DAGLB: variants seen among roughly 807,000 people sequenced by gnomAD.
DAGLB encodes diacylglycerol lipase-beta.
In DAGLB, 66 loss-of-function variants were observed where a neutral mutation model predicts 72.1. The observed-to-expected ratio is 0.92, with a 90% CI of 0.75 to 1.12. The LOEUF is 1.12. DAGLB is among the 50% of genes most tolerant of loss of function. The pLI is 0.00. For missense variants in DAGLB, 1,065 were observed against 884.9 expected (o/e 1.20, Z -2.58); for synonymous variants, 414 against 359.5 (o/e 1.15, Z -1.71).
Position 6,409,812 on chromosome 7 carries a change from C to G in DAGLB, c.*25G>C. On this transcript the variant is annotated 3_prime_UTR_variant, in exon 15 of 15. Transcript: ENST00000297056. ...GGACAAAAGCGTGAGTCCATCGTTC[C>G]TGGGACAGTTTCCAGTGGCCCTGGT... 1 of 1,609,574 alleles carries G rather than the reference C, an allele frequency of 6.2e-7. No individual in the cohort carries two copies.
rs1444917456 is a variant in DAGLB, at chr7:6,447,756, T to A, written c.87A>T (p.Arg29=). ...GTAGCCGCCGTCCTTACCACAGCACTCGCACGACCAGCTCGAAGAACCCTG... is the reference window on the plus strand; with the variant it reads ...GTAGCCGCCGTCCTTACCACAGCACACGCACGACCAGCTCGAAGAACCCTG... The part of the protein sequence containing the change: ...VFPGFFELVV[R]VLWWIGILTL... The change falls in exon 1 of 15, where the codon CGA becomes CGT. Residue 29 remains arginine (R), a synonymous_variant. Transcript: ENST00000297056. 1.9e-6 allele frequency: 3 copies of A among 1,612,704 alleles called. No individual in the cohort carries two copies. Among genetic ancestry groups the A allele is most frequent in the East Asian group, 2.2e-5 (1 of 44,726 alleles).
rs369508577 is a variant in DAGLB, at chr7:6,432,262, G to C, written c.801+575C>G. 3.9e-5 allele frequency among the ~76,000 whole-genome samples: 6 copies of C among 152,084 alleles called. No homozygotes were observed. In the East Asian group the frequency reaches 1.2e-3, roughly 30 times the overall value. On this transcript the variant is annotated intron_variant, in intron 5 of 14. Transcript: ENST00000297056. ...AGCTACTCAGGAGGCTGAGGCAGGA[G>C]AATCACCCGGGAGGTGGAAGTTGTG...
chr7:6,417,856 T>G (rs1206920206), intron 9 of DAGLB: 1 of 151,986 alleles, frequency 6.6e-6, no homozygotes, highest in Non-Finnish European at 1.5e-5. Flanking sequence ...TAAATAAAAT[T>G]TTATTTATTT....
intron 4 of DAGLB, 96 bp from the exon 5 acceptor site, chr7:6,433,055 G>C: frequency 4.0e-6 from 6 of 1,494,224 alleles, no homozygotes; most frequent in Non-Finnish European, 5.3e-6. Flanking sequence ...AGGCATTCAC[G>C]CACACACAGA....
At chr7:6,418,570 C>G (rs547619038) in intron 9 of DAGLB, among the ~76,000 whole-genome samples, 1 of 152,126 alleles carries the variant, frequency 6.6e-6, no homozygotes, top group African/African-American at 2.4e-5. Context: ...GCCCCTGTCC[C>G]GTGCAGCTTC....
chr7:6,432,747 A>T, intron 5 of DAGLB, 90 bp downstream of exon 5: 1 of 1,430,664 alleles, frequency 7.0e-7, no homozygotes, highest in Non-Finnish European at 9.2e-7. Context: ...GGAAGGGAGG[A>T]AGAAATTGCT....
At chr7:6,433,827 G>C (rs944329400) in intron 4 of DAGLB, among the ~76,000 whole-genome samples, 1 of 148,288 alleles carries the variant, frequency 6.7e-6, no homozygotes, top group African/African-American at 2.5e-5. Context: ...ACTCCAGCCC[G>C]GGTGACAAAA....
intron 2 of DAGLB, among the ~76,000 whole-genome samples, chr7:6,437,431 A>T (rs1008743121): frequency 6.6e-6 from 1 of 152,044 alleles, no homozygotes; most frequent in African/African-American, 2.4e-5. Context: ...AGAGAGCGTA[A>T]TAGCTACCAT....
At chr7:6,414,689 C>G (rs946232486) in intron 11 of DAGLB, among the ~76,000 whole-genome samples, 3 of 152,064 alleles carry the variant, frequency 2.0e-5, no homozygotes, top group African/African-American at 4.8e-5. Flanking sequence ...AATGAAAAGG[C>G]CTGGAAATTA....
intron 1 of DAGLB, 139 bp from the exon 2 acceptor site, chr7:6,446,243 C>A: frequency 1.4e-6 from 1 of 720,160 alleles, no homozygotes; most frequent in Non-Finnish European, 2.0e-6. Context: ...GTGAGGTGGG[C>A]GGATCACAAG....
At chr7:6,437,644 G>GTTAA (rs1784707582) in intron 2 of DAGLB, among the ~76,000 whole-genome samples, 1 of 151,572 alleles carries the variant, frequency 6.6e-6, no homozygotes, top group Non-Finnish European at 1.5e-5. Context: ...GCGTTTTTTG[G>GTTAA]TTAATTTTTG....
intron 8 of DAGLB, 124 bp from the exon 9 acceptor site, chr7:6,421,928 G>T (rs771852117): frequency 2.8e-6 from 3 of 1,083,560 alleles, no homozygotes; most frequent in Non-Finnish European, 2.7e-6. Flanking sequence ...CTCCTAGTTC[G>T]GTCCTGGGAC....
chr7:6,410,361 C>A lies in DAGLB; in HGVS notation c.1589G>T (p.Gly530Val), dbSNP rs991135291. ...TCCTCCAAACAGTTCGTACCACAAA[C>A]CGTGCAGCAAGATCTTGTACTGAGG... ...NKPKYKILLH[G>V]LWYELFGGNP... The change falls in exon 14 of 15, where the codon GGT becomes GTT. Residue 530 changes from glycine to valine, a missense_variant. Physicochemically the swap from Gly to Val is moderately radical, Grantham distance 109 (BLOSUM62 -3). Coordinates refer to ENST00000297056, the MANE Select transcript of DAGLB (RefSeq NM_139179.4). 2 of 1,612,914 alleles carry A rather than the reference C, an allele frequency of 1.2e-6. No individual in the cohort carries two copies. Among genetic ancestry groups the A allele is most frequent in the African/African-American group, 2.7e-5 (2 of 74,908 alleles).
At chr7:6,429,200 T>G (rs568944635) in intron 6 of DAGLB, among the ~76,000 whole-genome samples, 1 of 152,004 alleles carries the variant, frequency 6.6e-6, no homozygotes, top group South Asian at 2.1e-4. Flanking sequence ...ACTGGCATCA[T>G]GTATCCCCTG....
chr7:6,446,740 G>A (rs970294728), intron 1 of DAGLB, among the ~76,000 whole-genome samples: 2 of 151,860 alleles, frequency 1.3e-5, no homozygotes, highest in Non-Finnish European at 2.9e-5. Context: ...CCGGCACGGC[G>A]GCTCACGTCT....
At position 6,442,617 on chromosome 7, in the gene DAGLB, G is replaced by A. The variant is rs115005158; in HGVS notation, c.247+3336C>T. On this transcript the variant is annotated intron_variant, in intron 2 of 14. Coordinates refer to ENST00000297056, the MANE Select transcript of DAGLB (RefSeq NM_139179.4). ...CACCTTCAATAAGAAGCTTCCCAGC[G>A]CTGAAGCCACACTGTACACATGGTT... Among the ~76,000 whole-genome samples the A allele has an allele frequency of 3.0e-3, 459 of 152,292 alleles. 1 individual carries two copies. The highest frequency in any genetic ancestry group is 0.01 in the African/African-American group (418 of 41,552).
rs957109258 is a variant in DAGLB at position 6,411,811 on chromosome 7, A to G, written c.1569+1000T>C. Among the ~76,000 whole-genome samples, 8 of 152,196 alleles carry G rather than the reference A, an allele frequency of 5.3e-5. No individual in the cohort carries two copies. In the South Asian group the frequency reaches 1.0e-3, roughly 20 times the overall value. ...TTTTCAAATTTTTGTCAAAATTCAT[A>G]TATCTGTATCTCCTTGTCCCCACTC... On this transcript the variant is annotated intron_variant, in intron 13 of 14. Coordinates refer to ENST00000297056, the MANE Select transcript of DAGLB (RefSeq NM_139179.4).
intron 2 of DAGLB, among the ~76,000 whole-genome samples, chr7:6,439,917 T>C (rs897892999): frequency 6.7e-6 from 1 of 149,714 alleles, no homozygotes; most frequent in African/African-American, 2.5e-5. Context: ...CCAGGCATGG[T>C]GGTGGGCGCC....
At chr7:6,411,050 A>G (rs1201567214) in intron 13 of DAGLB, among the ~76,000 whole-genome samples, 2 of 151,736 alleles carry the variant, frequency 1.3e-5, no homozygotes, top group Non-Finnish European at 2.9e-5. Context: ...GCACCCGGCT[A>G]ATTTTTTGTA....
Sources: gnomAD v4.1 joint callset for allele counts (sites outside exome capture counted in the v4.1 genomes callset) on GRCh38, gnomAD v4.1.1 for gene constraint, MANE v1.5 for transcripts, NCBI Gene and HGNC (gene_info 2026-07-23, HGNC 2026-07-21) for gene names.